ADAMTS6: variants seen among roughly 807,000 people sequenced by gnomAD.
The protein encoded by ADAMTS6 is ADAM metallopeptidase with thrombospondin type 1 motif 6.
ADAMTS6 carries 23 observed loss-of-function variants against 144.3 expected under a neutral mutation model. The ratio of observed to expected loss-of-function variants is 0.16; its 90% CI spans 0.11 to 0.23. ADAMTS6 has a LOEUF of 0.23. ADAMTS6 is among the 10% of genes least tolerant of loss of function. ADAMTS6 has a pLI of 1.00. For missense variants in ADAMTS6, 999 were observed against 1,379.6 expected (o/e 0.72, Z 4.37); for synonymous variants, 444 against 457.5 (o/e 0.97, Z 0.38).
At chr5:65,286,518 C>A (rs545269534) in intron 11 of ADAMTS6, among the ~76,000 whole-genome samples, 60 of 152,284 alleles carry the variant, frequency 3.9e-4, no homozygotes, top group African/African-American at 1.4e-3. Flanking sequence ...TGACAAACTT[C>A]ATAGACAATA....
chr5:65,289,754 T>C (rs1004500409), intron 11 of ADAMTS6, among the ~76,000 whole-genome samples: 3 of 152,140 alleles, frequency 2.0e-5, no homozygotes, highest in Non-Finnish European at 4.4e-5. Flanking sequence ...GAAATTTGCA[T>C]GTAGAGTTAA....
chr5:65,412,954 T>C (rs551054325), intron 7 of ADAMTS6, among the ~76,000 whole-genome samples: 13 of 152,308 alleles, frequency 8.5e-5, no homozygotes, highest in Non-Finnish European at 1.6e-4. Flanking sequence ...TACTATTTAA[T>C]CTTATGAATA....
chr5:65,336,794 T>C (rs191304243), intron 7 of ADAMTS6, among the ~76,000 whole-genome samples: 115 of 152,220 alleles, frequency 7.6e-4, no homozygotes, highest in African/African-American at 2.7e-3. Flanking sequence ...ATAACCTTTA[T>C]CCACCAAATC....
intron 3 of ADAMTS6, among the ~76,000 whole-genome samples, chr5:65,465,250 G>A (rs60288693): frequency 0.21 from 31,335 of 151,806 alleles, 4,968 homozygotes; most frequent in African/African-American, 0.45. Flanking sequence ...ATTCCCCTCC[G>A]ATAGACATTG....
chr5:65,362,569 C>G (rs1277774521), intron 7 of ADAMTS6, among the ~76,000 whole-genome samples: 1 of 152,162 alleles, frequency 6.6e-6, no homozygotes, highest in Non-Finnish European at 1.5e-5. Context: ...AAACACTGCT[C>G]ATAATCATAT....
chr5:65,325,608 C>T (rs1445750924), intron 9 of ADAMTS6, among the ~76,000 whole-genome samples: 1 of 151,996 alleles, frequency 6.6e-6, no homozygotes, highest in African/African-American at 2.4e-5. Context: ...TATCCTCCCA[C>T]CTCAGCCTCT....
chr5:65,181,026 AATT>A (rs1261165901), intron 22 of ADAMTS6, among the ~76,000 whole-genome samples: 2 of 152,180 alleles, frequency 1.3e-5, no homozygotes. Flanking sequence ...ATGAGGTGGC[AATT>A]ATTATTCTGT....
At position 65,230,779 on chromosome 5, in the gene ADAMTS6, AAT is replaced by A. The variant is rs1233164461; in HGVS notation, c.1934-4562_1934-4561del. ...ATATATATATAACACATATGTATGA[AAT>A]ATATATATAACACATATGTATGAAA... On this transcript the variant is annotated intron_variant, in intron 15 of 24. Coordinates refer to ENST00000381055, the MANE Select transcript of ADAMTS6 (RefSeq NM_197941.4). Among the ~76,000 whole-genome samples the A allele has an allele frequency of 9.1e-5, 9 of 98,734 alleles. 1 individual carries two copies. The highest frequency in any genetic ancestry group is 6.6e-4 in the South Asian group (2 of 3,044). 64.8% of individuals were successfully genotyped at this position (98,734 alleles called of 152,430 possible). A position where few individuals can be genotyped will look rare whatever the true frequency, so the allele number is the denominator to read the frequency against.
At chr5:65,317,800 G>A (rs1230974781) in intron 9 of ADAMTS6, among the ~76,000 whole-genome samples, 3 of 152,108 alleles carry the variant, frequency 2.0e-5, no homozygotes, top group East Asian at 3.9e-4. Flanking sequence ...CAGGCCAGGC[G>A]TGGTGGCTCA....
Position 65,302,308 on chromosome 5 carries a change from A to G in ADAMTS6, c.1224-2177T>C, listed in dbSNP as rs149264996. ...AAATATTAATATATAATATATAATT[A>G]TTATATACATATACATGTATATATT... On this transcript the variant is annotated intron_variant, in intron 9 of 24. Transcript: ENST00000381055. 3.1e-3 allele frequency among the ~76,000 whole-genome samples: 448 copies of G among 144,898 alleles called. 3 individuals carry two copies. The highest frequency in any genetic ancestry group is 0.011 in the African/African-American group (435 of 39,786).
intron 7 of ADAMTS6, among the ~76,000 whole-genome samples, chr5:65,438,837 G>T (rs1257418486): frequency 1.3e-5 from 2 of 152,008 alleles, no homozygotes; most frequent in African/African-American, 2.4e-5. Context: ...TAGACCAAAG[G>T]TCATAAAGAT....
At chr5:65,258,656 A>C (rs1760901546) in intron 14 of ADAMTS6, among the ~76,000 whole-genome samples, 1 of 152,196 alleles carries the variant, frequency 6.6e-6, no homozygotes, top group Non-Finnish European at 1.5e-5. Context: ...CACCTACCAT[A>C]TACTTTGAAG....
chr5:65,438,870 C>G (rs1485656576), intron 7 of ADAMTS6, among the ~76,000 whole-genome samples: 1 of 152,118 alleles, frequency 6.6e-6, no homozygotes, highest in African/African-American at 2.4e-5. Context: ...AACTATCAAA[C>G]AAACGAAAAC....
chr5:65,307,655 T>A (rs1004199690), intron 9 of ADAMTS6, among the ~76,000 whole-genome samples: 3 of 152,166 alleles, frequency 2.0e-5, no homozygotes, highest in African/African-American at 7.2e-5. Flanking sequence ...TCATTCATTG[T>A]TAGAGAGAAT....
At chr5:65,407,351 A>C (rs28850321) in intron 7 of ADAMTS6, among the ~76,000 whole-genome samples, 1 of 149,818 alleles carries the variant, frequency 6.7e-6, no homozygotes, top group Admixed American at 6.6e-5. Flanking sequence ...TTTTTTTTTT[A>C]TTATACTTTA....
chr5:65,469,820 G>A (rs995178430), intron 3 of ADAMTS6, among the ~76,000 whole-genome samples: 1 of 152,114 alleles, frequency 6.6e-6, no homozygotes, highest in African/African-American at 2.4e-5. Context: ...ATAAGAATAT[G>A]GGTATGTTAT....
chr5:65,477,997 C>T (rs112286483), intron 1 of ADAMTS6, among the ~76,000 whole-genome samples: 1 of 151,792 alleles, frequency 6.6e-6, no homozygotes, highest in Non-Finnish European at 1.5e-5. Flanking sequence ...CGTGGTGGTG[C>T]GCACCTGTAA....
chr5:65,171,799 C>A (rs11743343), intron 23 of ADAMTS6, among the ~76,000 whole-genome samples: 1 of 151,944 alleles, frequency 6.6e-6, no homozygotes, highest in African/African-American at 2.4e-5. Context: ...CTCAAATGAG[C>A]GTGTCTCCCT....
chr5:65,354,298 T>G (rs1310914612), intron 7 of ADAMTS6, among the ~76,000 whole-genome samples: 3 of 151,902 alleles, frequency 2.0e-5, no homozygotes, highest in African/African-American at 7.2e-5. Context: ...TGGGTTCTAC[T>G]TACAGAATTA....
Sources: allele counts gnomAD v4.1 joint callset (sites outside exome capture counted in the v4.1 genomes callset), GRCh38; gene constraint gnomAD v4.1.1; transcripts MANE v1.5; gene names NCBI Gene and HGNC (gene_info 2026-07-23, HGNC 2026-07-21).